Variants in BTN1A1 observed in about 807,000 individuals in gnomAD.
BTN1A1 encodes bK14H9.2 (butyrophilin, subfamily 1, member A1).
BTN1A1 carries 26 observed loss-of-function variants against 33.1 expected under a neutral mutation model. The ratio of observed to expected loss-of-function variants is 0.79; its 90% CI spans 0.58 to 1.09. The LOEUF (loss-of-function observed/expected upper bound fraction) is 1.09. Ranked by LOEUF, BTN1A1 falls within the 50% of genes least tolerant of loss-of-function variation. BTN1A1 has a pLI of 0.00. For missense variants in BTN1A1, 558 were observed against 655.7 expected (o/e 0.85, Z 1.63); for synonymous variants, 235 against 256.2 (o/e 0.92, Z 0.79).
At position 26,508,808 on chromosome 6, in the gene BTN1A1, C is replaced by T. The variant is rs1266409927; in HGVS notation, c.1215C>T (p.Ala405=). Residue 405 remains alanine, a synonymous_variant, in exon 8 of 8, where the codon GCC becomes GCT. Transcript: ENST00000684113. ...AGTTGTATGGAAATGGGTACTGGGC[C>T]CTCACTCCTCTCCGGACCCCTCTCC... The part of the protein sequence containing the change: ...AVELYGNGYW[A]LTPLRTPLPL... 1 of 1,614,112 alleles carries T rather than the reference C, an allele frequency of 6.2e-7. No individual in the cohort carries two copies. The highest frequency in any genetic ancestry group is 1.1e-5 in the South Asian group (1 of 91,080).
In BTN1A1 at chr6:26,501,018, G is replaced by T. The variant is rs1351008881; in HGVS notation, c.-57-212G>T. Among the ~76,000 whole-genome samples, 1 of 152,168 alleles carries T rather than the reference G, an allele frequency of 6.6e-6. No homozygotes were observed. The highest frequency in any genetic ancestry group is 1.5e-5 in the Non-Finnish European group (1 of 68,042). On this transcript the variant is annotated intron_variant, in intron 1 of 7. Coordinates refer to ENST00000684113, the MANE Select transcript of BTN1A1 (RefSeq NM_001732.3). This position sits in a 1 kb window ranked among gnomAD's most constrained non-coding sequence, Gnocchi z 5.2. The stretch of plus-strand genomic sequence containing the variant: ...CAACTAATGAGTGTTATGCCTCACA[G>T]TTCCCTTCTCCTAAGTTTTAGAGTT...
chr6:26,501,502 G>T lies in BTN1A1; in HGVS notation c.80-88G>T. On this transcript the variant is annotated intron_variant, in intron 2 of 7. Coordinates refer to ENST00000684113, the MANE Select transcript of BTN1A1 (RefSeq NM_001732.3). This position sits in a 1 kb window ranked among gnomAD's most constrained non-coding sequence, Gnocchi z 5.2. ...GCTGTCAAAGGAGTAAGAGAGCGCG[G>T]GGCACTGCGCTTTGGCGGGAATCTG... 6.3e-7 allele frequency: 1 copy of T among 1,587,846 alleles called. No individual in the cohort carries two copies. Among genetic ancestry groups the T allele is most frequent in the Non-Finnish European group, 8.6e-7 (1 of 1,160,850 alleles).
Position 26,509,375 on chromosome 6 carries a change from TG to T in BTN1A1, c.*203del. On this transcript the variant is annotated 3_prime_UTR_variant, in exon 8 of 8. Coordinates refer to ENST00000684113, the MANE Select transcript of BTN1A1 (RefSeq NM_001732.3). The stretch of plus-strand genomic sequence containing the variant: ...TGTTTCTGTACCAATATTTGGGGGA[TG>T]GAGGGGTGACTCAAACTGCTTCTAG... The T allele has an allele frequency of 1.7e-6, 1 of 577,228 alleles. No individual in the cohort carries two copies. The highest frequency in any genetic ancestry group is 3.0e-6 in the Non-Finnish European group (1 of 332,802). The allele number at this position is 577,228 out of a possible 1,614,324, so 35.8% of individuals were successfully genotyped here. A position where few individuals can be genotyped will look rare whatever the true frequency, so the allele number is the denominator to read the frequency against.
At chr6:26,500,891 G>A (rs1197390919) in intron 1 of BTN1A1, among the ~76,000 whole-genome samples, 2 of 152,070 alleles carry the variant, frequency 1.3e-5, no homozygotes, top group South Asian at 2.1e-4. Context: ...CTCCAAGCTG[G>A]GCAACAGAGC....
Position 26,508,641 on chromosome 6 carries a change from C to T in BTN1A1, c.1048C>T (p.Arg350Cys), listed in dbSNP as rs148996980. Residue 350 changes from arginine (R) to cysteine (C), a missense_variant, in exon 8 of 8, where the codon CGT becomes TGT. By Grantham distance (180) the Arg-to-Cys change is radical (BLOSUM62 -3). Transcript: ENST00000684113. ...TGACTCCTGGCCCTGTGTGTTGGGC[C>T]GTGAGACCTTCACCTCAGGAAGGCA... is the stretch of plus-strand genomic sequence containing the variant. ...RFDSWPCVLGRETFTSGRHYW... is the reference protein window; with the variant it reads ...RFDSWPCVLGCETFTSGRHYW... 1,038 of 1,614,082 alleles carry T rather than the reference C, an allele frequency of 6.4e-4. 1 individual carries two copies. The highest frequency in any genetic ancestry group is 1.2e-3 in the Admixed American group (70 of 60,010).
chr6:26,505,306 T>G, intron 4 of BTN1A1, 100 bp downstream of exon 4: 1 of 1,245,188 alleles, frequency 8.0e-7, no homozygotes, highest in Non-Finnish European at 1.1e-6. Flanking sequence ...CAGAGTTGTC[T>G]ACTTTCCCCA....
At chr6:26,500,380 C>T (rs1380184594) in intron 1 of BTN1A1, among the ~76,000 whole-genome samples, 22 bp downstream of exon 1, 1 of 152,112 alleles carries the variant, frequency 6.6e-6, no homozygotes, top group Non-Finnish European at 1.5e-5. Context: ...TGGTTACTCT[C>T]AGCTCCCTGA....
intron 3 of BTN1A1, among the ~76,000 whole-genome samples, chr6:26,502,600 C>T (rs1272713688): frequency 6.6e-6 from 1 of 152,188 alleles, no homozygotes; most frequent in Non-Finnish European, 1.5e-5. Flanking sequence ...AGCATTTCTT[C>T]ATGAAATAAT....
In BTN1A1 at chr6:26,501,675, C is replaced by T. The variant is rs755892439; in HGVS notation, c.165C>T (p.Asn55=). 2.5e-6 allele frequency: 4 copies of T among 1,614,010 alleles called. No individual in the cohort carries two copies. Among genetic ancestry groups the T allele is most frequent in the African/African-American group, 1.3e-5 (1 of 75,062 alleles). The change falls in exon 3 of 8, where the codon AAC becomes AAT. Residue 55 remains asparagine (N), a synonymous_variant. Transcript: ENST00000684113. The surrounding 1 kb of genome is among the most constrained non-coding windows in gnomAD (Gnocchi z 5.2). ...AGCTGCCCTGTCGCCTGTCTCCGAACGCGAGCGCCGAGCACTTGGAGCTAC... is the reference window on the plus strand; with the variant it reads ...AGCTGCCCTGTCGCCTGTCTCCGAATGCGAGCGCCGAGCACTTGGAGCTAC... ...DAELPCRLSP[N]ASAEHLELRW... is the part of the protein sequence containing the mutation.
chr6:26,505,262 C>A (rs774412162), intron 4 of BTN1A1, 56 bp downstream of exon 4: 74 of 1,512,434 alleles, frequency 4.9e-5, no homozygotes, highest in Non-Finnish European at 6.3e-5. Flanking sequence ...AGAGCCACAC[C>A]ACCTGGGACA....
Position 26,505,116 on chromosome 6 carries a change from A to G in BTN1A1, c.619A>G (p.Ile207Val). 6.2e-7 allele frequency: 1 copy of G among 1,614,188 alleles called. No homozygotes were observed. Among genetic ancestry groups the G allele is most frequent in the East Asian group, 2.2e-5 (1 of 44,880 alleles). The change falls in exon 4 of 8, where the codon ATC (isoleucine) becomes GTC (valine). Residue 207 changes from isoleucine to valine, a missense_variant. Transcript: ENST00000684113. Reference protein sequence around the residue: ...EGLFTVAASVIIRDTSAKNVS... With the variant: ...EGLFTVAASVVIRDTSAKNVS... Reference sequence around the variant, plus strand: ...TTTGTTCACTGTGGCTGCTTCAGTGATCATCAGAGACACTTCTGCGAAAAA... The same window carrying G: ...TTTGTTCACTGTGGCTGCTTCAGTGGTCATCAGAGACACTTCTGCGAAAAA...
At chr6:26,506,328 A>T (rs1472686957) in intron 4 of BTN1A1, among the ~76,000 whole-genome samples, 2 of 152,028 alleles carry the variant, frequency 1.3e-5, no homozygotes, top group Non-Finnish European at 2.9e-5. Context: ...ATTCTGTTAC[A>T]TACAGAGGCA....
intron 4 of BTN1A1, among the ~76,000 whole-genome samples, chr6:26,506,123 C>CAAA (rs34524548): frequency 1.3e-3 from 168 of 130,058 alleles, no homozygotes; most frequent in African/African-American, 3.0e-3. Context: ...GACTGCATCT[C>CAAA]AAAAAAAAAA....
intron 4 of BTN1A1, 125 bp from the exon 5 acceptor site, chr6:26,506,558 T>C: frequency 1.0e-6 from 1 of 978,696 alleles, no homozygotes. Flanking sequence ...TGACTATTTT[T>C]TTGCTATATG....
chr6:26,508,989 G>A lies in BTN1A1; in HGVS notation c.1396G>A (p.Gly466Ser), dbSNP rs1165742242. 2.6e-5 allele frequency: 42 copies of A among 1,614,038 alleles called. No individual in the cohort carries two copies. Among genetic ancestry groups the A allele is most frequent in the Middle Eastern group, 1.6e-4 (1 of 6,082 alleles). ...LRPFFCLWSS[G>S]KKPLTICPIA... ...GCCCTTCTTTTGCCTATGGTCTAGC[G>A]GTAAAAAGCCCCTGACCATCTGCCC... is the stretch of plus-strand genomic sequence containing the variant. Residue 466 changes from glycine (G) to serine (S), a missense_variant, in exon 8 of 8, where the codon GGT becomes AGT. Physicochemically the swap from Gly to Ser is moderately conservative, Grantham distance 56 (BLOSUM62 0). Coordinates refer to ENST00000684113, the MANE Select transcript of BTN1A1 (RefSeq NM_001732.3).
Position 26,501,977 on chromosome 6 carries a change from GCTGTATACA to G in BTN1A1, c.427+43_427+51del. ...TTTGACTTTCTCCGACGACTCCCCT[GCTGTATACA>G]CTTTCGTATGGATCAGTTACTTTGG... On this transcript the variant is annotated intron_variant, in intron 3 of 7. Coordinates refer to ENST00000684113, the MANE Select transcript of BTN1A1 (RefSeq NM_001732.3). This position sits in a 1 kb window ranked among gnomAD's most constrained non-coding sequence, Gnocchi z 5.2. 6.6e-7 allele frequency: 1 copy of G among 1,521,386 alleles called. No individual in the cohort carries two copies. The highest frequency in any genetic ancestry group is 8.8e-7 in the Non-Finnish European group (1 of 1,136,124). The allele number at this position is 1,521,386 out of a possible 1,614,324, so 94.2% of individuals were successfully genotyped here. A position where few individuals can be genotyped will look rare whatever the true frequency, so the allele number is the denominator to read the frequency against.
At chr6:26,500,993 C>G (rs1465614361) in intron 1 of BTN1A1, among the ~76,000 whole-genome samples, 1 of 152,044 alleles carries the variant, frequency 6.6e-6, no homozygotes, top group Non-Finnish European at 1.5e-5. Flanking sequence ...GATATGCAAC[C>G]AACTAATGAG....
chr6:26,509,267 C>A lies in BTN1A1; in HGVS notation c.*93C>A. On this transcript the variant is annotated 3_prime_UTR_variant, in exon 8 of 8. Transcript: ENST00000684113. Reference sequence around the variant, plus strand: ...CCTGCTAGCTTTACCCAGTCTGTTTCTTCCTGTTGGGTGGCAATTAATTAA... The same window carrying A: ...CCTGCTAGCTTTACCCAGTCTGTTTATTCCTGTTGGGTGGCAATTAATTAA... 1 of 1,227,490 alleles carries A rather than the reference C, an allele frequency of 8.1e-7. No individual in the cohort carries two copies. Among genetic ancestry groups the A allele is most frequent in the Non-Finnish European group, 1.1e-6 (1 of 879,024 alleles). The allele number at this position is 1,227,490 out of a possible 1,614,324, so 76.0% of individuals were successfully genotyped here.
Position 26,504,915 on chromosome 6 carries a change from C to G in BTN1A1, c.428-10C>G, listed in dbSNP as rs1763849033. On this transcript the variant is annotated splice_polypyrimidine_tract_variant and intron_variant, in intron 3 of 7. Transcript: ENST00000684113. ...CGCTAAAACATTAAGTCCAGATTCT[C>G]TCTCCATAGCTCTGGGCTCTGACCC... 6 of 1,611,500 alleles carry G rather than the reference C, an allele frequency of 3.7e-6. No individual in the cohort carries two copies. The highest frequency in any genetic ancestry group is 5.1e-6 in the Non-Finnish European group (6 of 1,178,156).
Sources: gnomAD v4.1 joint callset for allele counts (sites outside exome capture counted in the v4.1 genomes callset) on GRCh38, gnomAD v4.1.1 for gene constraint, Gnocchi (gnomAD v3.1) non-coding constraint, MANE v1.5 for transcripts, NCBI Gene and HGNC (gene_info 2026-07-23, HGNC 2026-07-21) for gene names.